CFAP299: variants seen among roughly 807,000 people sequenced by gnomAD.
CFAP299 encodes cilia- and flagella-associated protein 299.
In CFAP299, 21 loss-of-function variants were observed where a neutral mutation model predicts 27.0. The ratio of observed to expected loss-of-function variants is 0.78; its 90% CI spans 0.55 to 1.12. The LOEUF is 1.12. Ranked by LOEUF, CFAP299 falls within the 50% of genes most tolerant of loss-of-function variation. CFAP299 has a pLI of 0.00. For missense variants in CFAP299, 310 were observed against 276.6 expected (o/e 1.12, Z -0.86); for synonymous variants, 104 against 98.1 (o/e 1.06, Z -0.36).
At chr4:80,715,992 T>C (rs565816669) in intron 3 of CFAP299, among the ~76,000 whole-genome samples, 133 of 152,188 alleles carry the variant, frequency 8.7e-4, no homozygotes, top group Middle Eastern at 6.8e-3. Context: ...GGGAATCCAA[T>C]TTGATTTTTA....
intron 3 of CFAP299, among the ~76,000 whole-genome samples, chr4:80,785,148 T>G (rs1318645962): frequency 6.6e-6 from 1 of 151,968 alleles, no homozygotes; most frequent in African/African-American, 2.4e-5. Flanking sequence ...ATGTTTTTTT[T>G]TTTTTTAGGA....
At chr4:80,661,016 G>A (rs557929519) in intron 3 of CFAP299, among the ~76,000 whole-genome samples, 21 of 152,154 alleles carry the variant, frequency 1.4e-4, no homozygotes, top group African/African-American at 5.1e-4. Flanking sequence ...GGATAGGAAA[G>A]TGCTAACTCC....
At chr4:80,509,695 G>C (rs1272699690) in intron 2 of CFAP299, among the ~76,000 whole-genome samples, 2 of 152,074 alleles carry the variant, frequency 1.3e-5, no homozygotes, top group African/African-American at 4.8e-5. Context: ...ACACAGAATT[G>C]ACTATTACAG....
At chr4:80,773,793 A>T (rs910086092) in intron 3 of CFAP299, among the ~76,000 whole-genome samples, 1 of 151,994 alleles carries the variant, frequency 6.6e-6, no homozygotes, top group African/African-American at 2.4e-5. Context: ...GTAATCTTTT[A>T]GAAATTGTAA....
chr4:80,343,714 G>A (rs4690154), intron 1 of CFAP299, among the ~76,000 whole-genome samples: 104,477 of 150,024 alleles, frequency 0.7, 36,770 homozygotes, highest in Non-Finnish European at 0.75. Context: ...GCGTGAACCC[G>A]GGAAGTGGAG....
chr4:80,492,777 T>C (rs1731203921), intron 2 of CFAP299, among the ~76,000 whole-genome samples: 1 of 152,108 alleles, frequency 6.6e-6, no homozygotes, highest in African/African-American at 2.4e-5. Context: ...CAAAGGCCTT[T>C]ATCATGGTTT....
rs548321249 is a variant in CFAP299 at position 80,583,391 on chromosome 4, A to G, written c.333+208A>G. On this transcript the variant is annotated intron_variant, in intron 3 of 5. Coordinates refer to ENST00000358105, the MANE Select transcript of CFAP299 (RefSeq NM_152770.3). ...AAGTAGCCAAATAGTTAAAAAGAAA[A>G]AGGATTCTAAACATTCATTGCAGAG... The G allele has an allele frequency of 1.4e-5, 4 of 277,406 alleles. No homozygotes were observed. In the South Asian group the frequency reaches 3.4e-4, roughly 24 times the overall value. 17.2% of individuals were successfully genotyped at this position (277,406 alleles called of 1,614,324 possible).
intron 2 of CFAP299, among the ~76,000 whole-genome samples, chr4:80,456,532 G>A (rs1158340559): frequency 6.6e-6 from 1 of 152,102 alleles, no homozygotes; most frequent in Non-Finnish European, 1.5e-5. Context: ...ATTTTCTGAT[G>A]GTTTGAATAT....
chr4:80,889,443 C>A (rs984620830), intron 4 of CFAP299, among the ~76,000 whole-genome samples: 3 of 151,800 alleles, frequency 2.0e-5, no homozygotes, highest in African/African-American at 4.8e-5. Context: ...AATCCAAAAC[C>A]TCAATAGACC....
intron 2 of CFAP299, chr4:80,387,651 C>G: frequency 6.5e-7 from 1 of 1,539,774 alleles, no homozygotes; most frequent in Non-Finnish European, 9.0e-7. Flanking sequence ...CCTTGTGGGT[C>G]TGCATGTGTT....
At chr4:80,477,717 C>A (rs1224907164) in intron 2 of CFAP299, among the ~76,000 whole-genome samples, 2 of 152,140 alleles carry the variant, frequency 1.3e-5, no homozygotes, top group African/African-American at 4.8e-5. Flanking sequence ...TTCCTACCAC[C>A]TTTTAAAACT....
intron 2 of CFAP299, among the ~76,000 whole-genome samples, chr4:80,364,271 A>G (rs991177858): frequency 1.3e-5 from 2 of 152,044 alleles, no homozygotes; most frequent in Non-Finnish European, 2.9e-5. Context: ...TGGTTGGCCA[A>G]ATTCAATTCC....
the CFAP299 span, among the ~76,000 whole-genome samples, chr4:80,328,100 G>T: frequency 6.6e-6 from 1 of 152,212 alleles, no homozygotes; most frequent in East Asian, 1.9e-4. Flanking sequence ...TTAGTCAAGT[G>T]GTGGCCGAAA....
At chr4:80,333,248 C>T (rs375326796), upstream of CFAP299, among the ~76,000 whole-genome samples, 2 of 152,106 alleles carry the variant, frequency 1.3e-5, no homozygotes, top group East Asian at 1.9e-4. Flanking sequence ...GATCTCATCA[C>T]GAGAAATAGC....
chr4:80,574,436 T>C (rs977129911), intron 2 of CFAP299, among the ~76,000 whole-genome samples: 1 of 152,150 alleles, frequency 6.6e-6, no homozygotes, highest in Non-Finnish European at 1.5e-5. Context: ...ACCTTTCTAA[T>C]TGGATGACCC....
At position 80,343,799 on chromosome 4, in the gene CFAP299, TAA is replaced by T. The variant is rs35187249; in HGVS notation, c.111+7942_111+7943del. Among the ~76,000 whole-genome samples, 12 of 75,360 alleles carry T rather than the reference TAA, an allele frequency of 1.6e-4. No homozygotes were observed. In the East Asian group the frequency reaches 1.9e-3, roughly 12 times the overall value. The allele number at this position is 75,360 out of a possible 152,430, so 49.4% of individuals were successfully genotyped here. ...CTGGGCGACAGAGCGAGACTCCGTC[TAA>T]AAAAAAAAAAAAAAAAAAAAAGAAC... On this transcript the variant is annotated intron_variant, in intron 1 of 5. Coordinates refer to ENST00000358105, the MANE Select transcript of CFAP299 (RefSeq NM_152770.3).
chr4:80,403,819 T>C lies in CFAP299; in HGVS notation c.242+40935T>C, dbSNP rs961827007. 2.6e-5 allele frequency among the ~76,000 whole-genome samples: 4 copies of C among 152,186 alleles called. No individual in the cohort carries two copies. The East Asian group carries it at 7.7e-4, about 29-fold the overall frequency. On this transcript the variant is annotated intron_variant, in intron 2 of 5. Coordinates refer to ENST00000358105, the MANE Select transcript of CFAP299 (RefSeq NM_152770.3). ...CCTTTTCTCTTTGCTCACCTCTGTC[T>C]TATCAGAATCAGTCATAGCACCTGT...
intron 3 of CFAP299, among the ~76,000 whole-genome samples, chr4:80,599,784 A>G (rs951713131): frequency 2.6e-5 from 4 of 152,212 alleles, no homozygotes; most frequent in South Asian, 4.1e-4. Flanking sequence ...ACTTGTGCTT[A>G]AGTTGTAAGG....
intron 1 of CFAP299, among the ~76,000 whole-genome samples, chr4:80,355,179 G>T (rs1723206294): frequency 6.6e-6 from 1 of 151,732 alleles, no homozygotes; most frequent in Non-Finnish European, 1.5e-5. Flanking sequence ...CAAGTTTGCC[G>T]GCATCTGTTA....
Sources: allele counts gnomAD v4.1 joint callset (sites outside exome capture counted in the v4.1 genomes callset), GRCh38; gene constraint gnomAD v4.1.1; transcripts MANE v1.5; gene names NCBI Gene and HGNC (gene_info 2026-07-23, HGNC 2026-07-21).